Variants in ATP10B observed in about 807,000 individuals in gnomAD.
The protein encoded by ATP10B is ATPase phospholipid transporting 10B (putative), also known as phospholipid-transporting ATPase VB.
In ATP10B, 122 loss-of-function variants were observed where a neutral mutation model predicts 141.2. The ratio of observed to expected loss-of-function variants is 0.86; its 90% CI spans 0.75 to 1.00. The LOEUF (loss-of-function observed/expected upper bound fraction) is 1.00, where lower values mean the gene tolerates loss of function less well. Ranked by LOEUF, ATP10B falls within the 50% of genes least tolerant of loss-of-function variation. The pLI is 0.00. For synonymous variants in ATP10B, 685 were observed against 692.0 expected (o/e 0.99, Z 0.16); for missense variants, 1,876 against 1,825.3 (o/e 1.03, Z -0.51).
At chr5:160,746,708 T>C (rs903695988) in intron 2 of ATP10B, among the ~76,000 whole-genome samples, 2 of 152,160 alleles carry the variant, frequency 1.3e-5, no homozygotes, top group African/African-American at 4.8e-5. Context: ...TTTTCCAACG[T>C]GTAAGTTTTG....
At chr5:160,667,034 C>T (rs1251065553) in intron 7 of ATP10B, among the ~76,000 whole-genome samples, 2 of 151,864 alleles carry the variant, frequency 1.3e-5, no homozygotes, top group African/African-American at 4.8e-5. Context: ...CTGGCTAACA[C>T]GGTGAAACCT....
At chr5:160,857,859 G>C in the ATP10B span, among the ~76,000 whole-genome samples, 1 of 151,810 alleles carries the variant, frequency 6.6e-6, no homozygotes, top group Non-Finnish European at 1.5e-5. Context: ...ATTATGGTCA[G>C]AGAATGCACT....
chr5:160,743,626 G>A (rs1470929136), intron 2 of ATP10B, among the ~76,000 whole-genome samples: 1 of 152,166 alleles, frequency 6.6e-6, no homozygotes, highest in South Asian at 2.1e-4. Flanking sequence ...TATGATCTTG[G>A]TCTCAATCTA....
chr5:160,803,593 T>G (rs550000774), intron 1 of ATP10B, among the ~76,000 whole-genome samples: 3 of 152,122 alleles, frequency 2.0e-5, no homozygotes, highest in Non-Finnish European at 2.9e-5. Context: ...GGAGAATCAT[T>G]GGAACCCCGG....
intron 7 of ATP10B, among the ~76,000 whole-genome samples, chr5:160,660,769 C>T (rs1581295996): frequency 6.6e-6 from 1 of 152,172 alleles, no homozygotes; most frequent in African/African-American, 2.4e-5. Flanking sequence ...CATGCACATG[C>T]ACAAATGCCA....
intron 2 of ATP10B, among the ~76,000 whole-genome samples, chr5:160,782,836 G>A (rs769685556): frequency 1.1e-4 from 17 of 151,974 alleles, no homozygotes; most frequent in Non-Finnish European, 2.2e-4. Context: ...CTATAATATT[G>A]AGTTCACAAA....
the ATP10B span, among the ~76,000 whole-genome samples, chr5:160,889,642 T>C: frequency 1.3e-5 from 2 of 152,070 alleles, no homozygotes; most frequent in African/African-American, 4.8e-5. Flanking sequence ...GGAGCTTACA[T>C]AGAAGTAGTG....
chr5:160,924,324 G>A, the ATP10B span, among the ~76,000 whole-genome samples: 1 of 152,158 alleles, frequency 6.6e-6, no homozygotes, highest in African/African-American at 2.4e-5. Context: ...GGTGCCCCTG[G>A]GCCAACTTTG....
At chr5:160,836,311 G>GA (rs1775427455) in intron 1 of ATP10B, among the ~76,000 whole-genome samples, 1 of 151,980 alleles carries the variant, frequency 6.6e-6, no homozygotes, top group African/African-American at 2.4e-5. Flanking sequence ...ATTACTCATT[G>GA]AAAAAATTTT....
chr5:160,918,644 T>C, the ATP10B span, among the ~76,000 whole-genome samples: 63 of 152,332 alleles, frequency 4.1e-4, 1 homozygote, highest in Middle Eastern at 0.014. Flanking sequence ...TTTAAGATGT[T>C]GGAGAGGCAG....
intron 22 of ATP10B, among the ~76,000 whole-genome samples, chr5:160,596,783 C>T (rs1167646032): frequency 6.6e-6 from 1 of 152,156 alleles, no homozygotes; most frequent in Non-Finnish European, 1.5e-5. Flanking sequence ...TGAATGAACT[C>T]CCACTCACAA....
the ATP10B span, among the ~76,000 whole-genome samples, chr5:160,908,055 C>T: frequency 3.9e-5 from 6 of 152,148 alleles, no homozygotes; most frequent in Non-Finnish European, 8.8e-5. Context: ...CCAATAAAGC[C>T]ACTGGGAGTT....
chr5:160,594,146 A>G (rs934729779), intron 22 of ATP10B, among the ~76,000 whole-genome samples: 10 of 152,222 alleles, frequency 6.6e-5, no homozygotes, highest in Admixed American at 5.2e-4. Flanking sequence ...GAGAAAGGTC[A>G]GGTTACCCAC....
rs771984784 is a variant in ATP10B, at chr5:160,612,865, C to T, written c.2714G>A (p.Arg905Gln). The part of the protein sequence containing the change: ...EGVPDTIATL[R>Q]EAGIQLWVLT... The stretch of plus-strand genomic sequence containing the variant: ...GACCCAGAGCTGGATCCCAGCCTCC[C>T]GCAGAGTGGCAATCGTATCTGGAAC... The change falls in exon 18 of 26, where the codon CGG becomes CAG. Residue 905 changes from arginine to glutamine, a missense_variant. Arg to Gln is a conservative substitution (Grantham distance 43). Coordinates refer to ENST00000327245, the MANE Select transcript of ATP10B (RefSeq NM_025153.3). 35 of 1,614,046 alleles carry T rather than the reference C, an allele frequency of 2.2e-5. 1 individual carries two copies. Among genetic ancestry groups the T allele is most frequent in the Middle Eastern group, 1.7e-4 (1 of 6,060 alleles).
intron 23 of ATP10B, among the ~76,000 whole-genome samples, chr5:160,590,849 C>G (rs1443825314): frequency 6.6e-6 from 1 of 152,168 alleles, no homozygotes; most frequent in Non-Finnish European, 1.5e-5. Context: ...ATAAATATAG[C>G]TTTCAGTTTT....
intron 2 of ATP10B, among the ~76,000 whole-genome samples, chr5:160,743,262 A>T (rs1767596240): frequency 6.6e-6 from 1 of 152,180 alleles, no homozygotes; most frequent in Non-Finnish European, 1.5e-5. Flanking sequence ...TCAACTCTTA[A>T]CCCACATGCT....
At chr5:160,890,826 C>T in the ATP10B span, among the ~76,000 whole-genome samples, 1 of 152,122 alleles carries the variant, frequency 6.6e-6, no homozygotes. Flanking sequence ...GTGATCTTCC[C>T]AGCTTCCTGA....
chr5:160,741,422 G>C (rs1022363414), intron 2 of ATP10B, among the ~76,000 whole-genome samples: 2 of 152,108 alleles, frequency 1.3e-5, no homozygotes, highest in African/African-American at 4.8e-5. Flanking sequence ...CTAGACTGGC[G>C]GTCAGTGACT....
chr5:160,900,385 A>G, the ATP10B span, among the ~76,000 whole-genome samples: 79 of 152,302 alleles, frequency 5.2e-4, 1 homozygote, highest in Admixed American at 1.2e-3. Context: ...TTCTGTCATG[A>G]TTCCCATTTT....
Sources: allele counts gnomAD v4.1 joint callset (sites outside exome capture counted in the v4.1 genomes callset), GRCh38; gene constraint gnomAD v4.1.1; transcripts MANE v1.5; gene names NCBI Gene and HGNC (gene_info 2026-07-23, HGNC 2026-07-21).